The following BICC1 variants were observed in gnomAD, a reference collection of about 807,000 sequenced individuals.
The protein encoded by BICC1 is BicC family RNA binding protein 1, also known as protein bicaudal C homolog 1.
BICC1 carries 43 observed loss-of-function variants against 111.0 expected under a neutral mutation model. The observed-to-expected ratio is 0.39, with a 90% confidence interval of 0.30 to 0.50. The LOEUF (loss-of-function observed/expected upper bound fraction) is 0.50, where lower values mean the gene tolerates loss of function less well. Among genes scored for constraint, BICC1 ranks in the 20% least tolerant of loss-of-function variants. The probability of loss-of-function intolerance (pLI) is 0.88; values close to 1 mark genes in which losing one functional copy is unlikely to be tolerated. For synonymous variants in BICC1, 467 were observed against 434.4 expected (o/e 1.07, Z -0.93); for missense variants, 1,091 against 1,203.2 (o/e 0.91, Z 1.38).
chr10:58,603,082 G>C (rs1284553934), intron 1 of BICC1, among the ~76,000 whole-genome samples: 2 of 152,158 alleles, frequency 1.3e-5, no homozygotes, highest in East Asian at 1.9e-4. Flanking sequence ...ATGTCTATCA[G>C]TGACTGCTTC....
chr10:58,529,834 A>T (rs1842635010), intron 1 of BICC1, among the ~76,000 whole-genome samples: 2 of 151,906 alleles, frequency 1.3e-5, no homozygotes, highest in South Asian at 4.1e-4. Context: ...GATATCTGAG[A>T]TGCATTATCT....
intron 2 of BICC1, among the ~76,000 whole-genome samples, chr10:58,648,053 C>A (rs1398151638): frequency 6.6e-6 from 1 of 152,238 alleles, no homozygotes; most frequent in East Asian, 1.9e-4. Flanking sequence ...TGGTTTCTTG[C>A]CTTACTTTAA....
At chr10:58,618,690 T>A (rs1845701099) in intron 1 of BICC1, among the ~76,000 whole-genome samples, 1 of 152,248 alleles carries the variant, frequency 6.6e-6, no homozygotes, top group Non-Finnish European at 1.5e-5. Context: ...CTATTGATGA[T>A]GTGGAATTTG....
At chr10:58,609,738 A>G (rs1472654051) in intron 1 of BICC1, among the ~76,000 whole-genome samples, 2 of 152,224 alleles carry the variant, frequency 1.3e-5, no homozygotes, top group African/African-American at 2.4e-5. Flanking sequence ...AGTGGCTGTC[A>G]TATTGGATGG....
chr10:58,566,381 G>T (rs114126605), intron 1 of BICC1, among the ~76,000 whole-genome samples: 4,250 of 151,732 alleles, frequency 0.028, 188 homozygotes, highest in African/African-American at 0.097. Flanking sequence ...TGTACACCAC[G>T]ATTTCTTTAT....
intron 1 of BICC1, among the ~76,000 whole-genome samples, chr10:58,605,365 A>G (rs1369068161): frequency 6.6e-6 from 1 of 152,122 alleles, no homozygotes; most frequent in African/African-American, 2.4e-5. Flanking sequence ...AAATCTGTTT[A>G]TTGCATTCTC....
At position 58,745,882 on chromosome 10, in the gene BICC1, G is replaced by A. The variant is rs11006250; in HGVS notation, c.308-39119G>A. 2.4e-4 allele frequency among the ~76,000 whole-genome samples: 36 copies of A among 151,582 alleles called. No individual in the cohort carries two copies. In the East Asian group the frequency reaches 6.1e-3, roughly 26 times the overall value. ...ATGTGGAGATCTTTGGGGGATCATT[G>A]TTCTGTCTGATTTGTGTTTTTACCT... On this transcript the variant is annotated intron_variant, in intron 3 of 20. Transcript: ENST00000373886.
At chr10:58,785,855 C>T (rs527706795) in intron 4 of BICC1, among the ~76,000 whole-genome samples, 43 of 152,122 alleles carry the variant, frequency 2.8e-4, no homozygotes, top group Non-Finnish European at 5.4e-4. Flanking sequence ...TTTGTCTTGC[C>T]ACCTGGCATT....
At chr10:58,791,221 AT>A (rs529819539) in intron 8 of BICC1, among the ~76,000 whole-genome samples, 12 of 151,494 alleles carry the variant, frequency 7.9e-5, no homozygotes, top group South Asian at 4.2e-4. Context: ...TGTAATCTTC[AT>A]TTTTTTTCTG....
chr10:58,540,883 A>C (rs781622919), intron 1 of BICC1, among the ~76,000 whole-genome samples: 3 of 152,112 alleles, frequency 2.0e-5, no homozygotes, highest in Non-Finnish European at 4.4e-5. Context: ...TTTATTACTG[A>C]AATGCAAGTA....
At chr10:58,701,883 A>C (rs1360537048) in intron 2 of BICC1, among the ~76,000 whole-genome samples, 191 bp from the exon 3 acceptor site, 1 of 152,144 alleles carries the variant, frequency 6.6e-6, no homozygotes, top group African/African-American at 2.4e-5. Context: ...TATTTCTAAT[A>C]GATTAAAGGC....
At chr10:58,567,044 G>C (rs531194557) in intron 1 of BICC1, among the ~76,000 whole-genome samples, 1 of 152,278 alleles carries the variant, frequency 6.6e-6, no homozygotes, top group African/African-American at 2.4e-5. Flanking sequence ...TCTGGTAATA[G>C]GAGGTAGAGA....
At chr10:58,647,779 GAA>G in intron 2 of BICC1, among the ~76,000 whole-genome samples, 1 of 139,818 alleles carries the variant, frequency 7.2e-6, no homozygotes, top group African/African-American at 2.6e-5. Context: ...GGCTTTCTCA[GAA>G]AAAAAAAAAA....
chr10:58,772,973 G>A (rs2393477), intron 3 of BICC1, among the ~76,000 whole-genome samples: 116,133 of 152,070 alleles, frequency 0.76, 44,943 homozygotes, highest in East Asian at 1. Flanking sequence ...GGTCCTATAA[G>A]CATTACAACA....
chr10:58,556,902 C>G (rs1262436579), intron 1 of BICC1, among the ~76,000 whole-genome samples: 1 of 151,836 alleles, frequency 6.6e-6, no homozygotes, highest in Non-Finnish European at 1.5e-5. Context: ...TAAGTGGTTT[C>G]TTCATATGAG....
chr10:58,634,360 C>T (rs536226142), intron 2 of BICC1, among the ~76,000 whole-genome samples: 3 of 152,188 alleles, frequency 2.0e-5, no homozygotes, highest in East Asian at 1.9e-4. Context: ...CCAGTTCTAC[C>T]GTCAGCCATT....
chr10:58,540,396 A>G (rs1842931694), intron 1 of BICC1, among the ~76,000 whole-genome samples: 1 of 151,940 alleles, frequency 6.6e-6, no homozygotes. Context: ...GAAGAAAACA[A>G]AGACTCAAAT....
intron 2 of BICC1, among the ~76,000 whole-genome samples, chr10:58,625,142 G>A (rs901240952): frequency 4.6e-5 from 7 of 152,112 alleles, no homozygotes; most frequent in African/African-American, 1.7e-4. Flanking sequence ...AGTACTCTCC[G>A]TCCACTCCTG....
intron 1 of BICC1, among the ~76,000 whole-genome samples, chr10:58,569,942 T>C (rs1263930602): frequency 1.3e-5 from 2 of 152,164 alleles, no homozygotes; most frequent in Non-Finnish European, 2.9e-5. Context: ...GTATTTCTGG[T>C]TCTAGATCCT....
Sources: allele counts gnomAD v4.1 joint callset (sites outside exome capture counted in the v4.1 genomes callset), GRCh38; gene constraint gnomAD v4.1.1; transcripts MANE v1.5; gene names NCBI Gene and HGNC (gene_info 2026-07-23, HGNC 2026-07-21).